KCNIP4: variants seen among roughly 807,000 people sequenced by gnomAD.
KCNIP4 encodes potassium voltage-gated channel interacting protein 4.
Under a neutral mutation model 34.0 loss-of-function variants are expected in KCNIP4, and 12 were observed. The ratio of observed to expected loss-of-function variants is 0.35; its 90% CI spans 0.23 to 0.57. KCNIP4 has a LOEUF of 0.57. Among genes scored for constraint, KCNIP4 ranks in the 20% least tolerant of loss-of-function variants. KCNIP4 has a pLI of 0.83. For synonymous variants in KCNIP4, 124 were observed against 102.2 expected (o/e 1.21, Z -1.29); for missense variants, 238 against 311.7 (o/e 0.76, Z 1.78).
At chr4:21,075,408 C>G (rs1745391349) in intron 1 of KCNIP4, among the ~76,000 whole-genome samples, 1 of 152,018 alleles carries the variant, frequency 6.6e-6, no homozygotes, top group South Asian at 2.1e-4. Flanking sequence ...TTCTTTGTCT[C>G]TTTTGATCTT....
chr4:21,331,205 A>G (rs1715603187), intron 1 of KCNIP4, among the ~76,000 whole-genome samples: 3 of 152,214 alleles, frequency 2.0e-5, no homozygotes, highest in Middle Eastern at 3.4e-3. Context: ...CCTGATCTCA[A>G]TAGTTCATAG....
intron 1 of KCNIP4, among the ~76,000 whole-genome samples, chr4:21,320,842 G>A (rs984078784): frequency 1.2e-4 from 18 of 151,974 alleles, no homozygotes; most frequent in South Asian, 4.2e-4. Flanking sequence ...ATGGTGGTAC[G>A]TGCCTGTAAT....
intron 1 of KCNIP4, among the ~76,000 whole-genome samples, chr4:21,939,636 G>T (rs567197024): frequency 5.5e-4 from 83 of 152,260 alleles, no homozygotes; most frequent in Non-Finnish European, 1.0e-3. Context: ...AACTCTCTCA[G>T]ATATCATGAC....
chr4:21,510,361 A>G (rs1295595056), intron 1 of KCNIP4, among the ~76,000 whole-genome samples: 2 of 152,160 alleles, frequency 1.3e-5, no homozygotes, highest in Non-Finnish European at 2.9e-5. Flanking sequence ...CAAGGACTTT[A>G]TTGATCAATA....
At position 21,470,521 on chromosome 4, in the gene KCNIP4, T is replaced by C. The variant is rs564151313; in HGVS notation, c.61+478050A>G. Among the ~76,000 whole-genome samples the C allele has an allele frequency of 1.2e-4, 18 of 152,286 alleles. No individual in the cohort carries two copies. In the East Asian group the frequency reaches 3.1e-3, roughly 26 times the overall value. Reference sequence around the variant, plus strand: ...TAATGTGGTTTAGTTGTACAGGTTGTGTACAGTGCAGCCAAGTGCAGAAAG... The same window carrying C: ...TAATGTGGTTTAGTTGTACAGGTTGCGTACAGTGCAGCCAAGTGCAGAAAG... On this transcript the variant is annotated intron_variant, in intron 1 of 8. Transcript: ENST00000382152.
At chr4:21,457,421 A>G (rs1164417508) in intron 1 of KCNIP4, among the ~76,000 whole-genome samples, 2 of 151,888 alleles carry the variant, frequency 1.3e-5, no homozygotes, top group Non-Finnish European at 2.9e-5. Context: ...CTAGCTCCTA[A>G]TTCTCAGTGG....
At position 20,872,362 on chromosome 4, in the gene KCNIP4, A is replaced by T. The variant is rs148676408; in HGVS notation, c.163+10246T>A. Among the ~76,000 whole-genome samples the T allele has an allele frequency of 5.2e-3, 787 of 152,260 alleles. 6 individuals are homozygous for T. Among genetic ancestry groups the T allele is most frequent in the Non-Finnish European group, 8.0e-3 (542 of 68,012 alleles). On this transcript the variant is annotated intron_variant, in intron 2 of 8. Coordinates refer to ENST00000382152, the MANE Select transcript of KCNIP4 (RefSeq NM_025221.6). ...AATGAAACCTTACAAATAAAGATGGACCAATATTACCATCAAGAATTGCTG... is the reference window on the plus strand; with the variant it reads ...AATGAAACCTTACAAATAAAGATGGTCCAATATTACCATCAAGAATTGCTG...
chr4:21,928,411 T>A lies in KCNIP4; in HGVS notation c.61+20160A>T, dbSNP rs566683808. ...ACAGCCCAATTCATCATACCCAGCA[T>A]ATCTTTAATAAGAGCACAAGTGACA... On this transcript the variant is annotated intron_variant, in intron 1 of 8. Coordinates refer to ENST00000382152, the MANE Select transcript of KCNIP4 (RefSeq NM_025221.6). Among the ~76,000 whole-genome samples the A allele has an allele frequency of 3.8e-3, 575 of 152,242 alleles. 1 individual carries two copies. The highest frequency in any genetic ancestry group is 0.013 in the African/African-American group (542 of 41,544).
intron 1 of KCNIP4, among the ~76,000 whole-genome samples, chr4:21,153,377 T>C (rs1752895220): frequency 1.3e-5 from 2 of 151,924 alleles, no homozygotes; most frequent in Non-Finnish European, 2.9e-5. Flanking sequence ...ATTTCTATTA[T>C]GAATGACATT....
intron 2 of KCNIP4, among the ~76,000 whole-genome samples, chr4:20,855,388 C>G (rs1347195875): frequency 6.6e-6 from 1 of 152,078 alleles, no homozygotes; most frequent in Non-Finnish European, 1.5e-5. Context: ...ATTGGAGACT[C>G]AGAGAGAAGG....
intron 1 of KCNIP4, among the ~76,000 whole-genome samples, chr4:21,015,928 A>T (rs1299300557): frequency 6.9e-6 from 1 of 144,110 alleles, no homozygotes; most frequent in East Asian, 2.0e-4. Flanking sequence ...AAATATATAT[A>T]AATTTTTTTT....
At chr4:21,597,742 T>C (rs188870702) in intron 1 of KCNIP4, among the ~76,000 whole-genome samples, 1 of 152,282 alleles carries the variant, frequency 6.6e-6, no homozygotes, top group Admixed American at 6.5e-5. Flanking sequence ...GGACATTTTC[T>C]TAAAATATAC....
intron 1 of KCNIP4, among the ~76,000 whole-genome samples, chr4:21,876,413 C>G (rs760004284): frequency 1.3e-4 from 19 of 151,872 alleles, no homozygotes; most frequent in Non-Finnish European, 2.6e-4. Context: ...TTCACTGAAC[C>G]CTTAAATTCT....
chr4:21,111,775 G>A (rs1179744429), intron 1 of KCNIP4, among the ~76,000 whole-genome samples: 2 of 152,162 alleles, frequency 1.3e-5, no homozygotes, highest in African/African-American at 4.8e-5. Context: ...GGAATGAACA[G>A]GACAGGGTGG....
At chr4:21,501,719 T>TGTGTGTGTGTGTGTGTGTGTGAG in intron 1 of KCNIP4, among the ~76,000 whole-genome samples, 1 of 149,158 alleles carries the variant, frequency 6.7e-6, no homozygotes, top group South Asian at 2.2e-4. Context: ...TGTGTGTGCG[T>TGTGTGTGTGTGTGTGTGTGTGAG]TGGAAGGGGC....
At chr4:20,892,039 A>G (rs969520206) in intron 1 of KCNIP4, among the ~76,000 whole-genome samples, 1 of 152,148 alleles carries the variant, frequency 6.6e-6, no homozygotes, top group Non-Finnish European at 1.5e-5. Flanking sequence ...TGCAGTTGTT[A>G]TTGGATCTTG....
intron 7 of KCNIP4, 139 bp downstream of exon 7, chr4:20,732,541 AT>A: frequency 1.5e-6 from 1 of 664,790 alleles, no homozygotes; most frequent in Non-Finnish European, 2.7e-6. Flanking sequence ...AAGCTATTAA[AT>A]TAATAGGATG....
chr4:21,800,940 C>A (rs895447290), intron 1 of KCNIP4, among the ~76,000 whole-genome samples: 1 of 152,176 alleles, frequency 6.6e-6, no homozygotes, highest in African/African-American at 2.4e-5. Flanking sequence ...TGAGAAGTCT[C>A]TCCTGCCTTC....
At chr4:21,735,304 G>T (rs1715910240) in intron 1 of KCNIP4, among the ~76,000 whole-genome samples, 1 of 152,036 alleles carries the variant, frequency 6.6e-6, no homozygotes, top group Non-Finnish European at 1.5e-5. Flanking sequence ...GCTACTCACT[G>T]AACATAGCAA....
Sources: gnomAD v4.1 joint callset for allele counts (sites outside exome capture counted in the v4.1 genomes callset) on GRCh38, gnomAD v4.1.1 for gene constraint, MANE v1.5 for transcripts, NCBI Gene and HGNC (gene_info 2026-07-23, HGNC 2026-07-21) for gene names.